The following PDIA5 variants were observed in gnomAD, a reference collection of about 807,000 sequenced individuals.
PDIA5 encodes protein disulfide isomerase family A member 5.
A neutral mutation model predicts 77.6 loss-of-function variants in PDIA5; 58 were observed. The observed-to-expected ratio is 0.75, with a 90% CI of 0.61 to 0.93. The LOEUF is 0.93. Among genes scored for constraint, PDIA5 ranks in the 40% least tolerant of loss-of-function variants. The pLI, the probability that PDIA5 is intolerant of heterozygous loss-of-function variation, is 0.00. For missense variants in PDIA5, 630 were observed against 647.7 expected, an observed-to-expected ratio of 0.97 and a Z score of 0.30; for synonymous variants, 250 against 252.1, an observed-to-expected ratio of 0.99 and a Z score of 0.08.
At chr3:123,069,660 C>T (rs1473275476) in intron 1 of PDIA5, among the ~76,000 whole-genome samples, 1 of 152,084 alleles carries the variant, frequency 6.6e-6, no homozygotes, top group African/African-American at 2.4e-5. Context: ...TCTTGGGTCC[C>T]TTTTTCAAGG....
chr3:123,155,148 G>A (rs1384106433), intron 15 of PDIA5, 107 bp downstream of exon 15: 2 of 783,666 alleles, frequency 2.6e-6, no homozygotes, highest in African/African-American at 3.4e-5. Flanking sequence ...GCTAAGACCT[G>A]TAAGCAGGAA....
At chr3:123,135,309 G>C (rs1935471964) in intron 11 of PDIA5, among the ~76,000 whole-genome samples, 1 of 152,156 alleles carries the variant, frequency 6.6e-6, no homozygotes, top group Admixed American at 6.5e-5. Context: ...ATCCCAGAGA[G>C]GGGTGTTCCT....
At chr3:123,139,582 C>T (rs1190601535) in intron 11 of PDIA5, among the ~76,000 whole-genome samples, 1 of 152,136 alleles carries the variant, frequency 6.6e-6, no homozygotes. Flanking sequence ...TTGGGAGACA[C>T]TTTTCTCCTA....
At chr3:123,097,894 T>C (rs959584781) in intron 3 of PDIA5, among the ~76,000 whole-genome samples, 1 of 152,096 alleles carries the variant, frequency 6.6e-6, no homozygotes, top group Non-Finnish European at 1.5e-5. Flanking sequence ...ACAAAGTTAA[T>C]GTTAAGGCAG....
chr3:123,131,112 C>T (rs1026711160), intron 11 of PDIA5, among the ~76,000 whole-genome samples: 1 of 152,152 alleles, frequency 6.6e-6, no homozygotes, highest in African/African-American at 2.4e-5. Flanking sequence ...TCTCTACAAA[C>T]AATTAAAAAT....
intron 11 of PDIA5, chr3:123,144,751 G>A (rs1401855866): frequency 6.6e-6 from 1 of 152,206 alleles, no homozygotes; most frequent in Non-Finnish European, 1.5e-5. Flanking sequence ...AGCCGGGCGT[G>A]GTGGCGGGTG....
chr3:123,103,388 A>AGAAT lies in PDIA5; in HGVS notation c.387+593_387+594insAATG, dbSNP rs1934650643. ...ACTGCAACTCTCCTCCTTCAGGGTCAGGATTCCCTTCCTCCAGCCTGTCTT... is the reference window on the plus strand; with the variant it reads ...ACTGCAACTCTCCTCCTTCAGGGTCAGAATGGATTCCCTTCCTCCAGCCTGTCTT... On this transcript the variant is annotated intron_variant, in intron 5 of 16. Transcript: ENST00000316218. Among the ~76,000 whole-genome samples, 9 of 152,348 alleles carry AGAAT rather than the reference A, an allele frequency of 5.9e-5. No individual in the cohort carries two copies. The South Asian group carries it at 6.2e-4, about 11-fold the overall frequency.
intron 3 of PDIA5, among the ~76,000 whole-genome samples, chr3:123,094,788 T>C (rs1471949553): frequency 6.6e-6 from 1 of 152,206 alleles, no homozygotes; most frequent in Non-Finnish European, 1.5e-5. Context: ...CTTGCCTCCC[T>C]CAAATGGGCC....
At chr3:123,127,167 C>T (rs192405685) in intron 10 of PDIA5, among the ~76,000 whole-genome samples, 1 of 152,318 alleles carries the variant, frequency 6.6e-6, no homozygotes, top group Admixed American at 6.5e-5. Context: ...ACATGCATCT[C>T]CCTTAGATGA....
chr3:123,104,640 G>A (rs1160440216), intron 5 of PDIA5, among the ~76,000 whole-genome samples: 2 of 152,252 alleles, frequency 1.3e-5, no homozygotes, highest in African/African-American at 4.8e-5. Flanking sequence ...TCGAAGTGGG[G>A]AATGTCCCCT....
intron 7 of PDIA5, 46 bp downstream of exon 7, chr3:123,111,050 T>A (rs1052442957): frequency 2.1e-5 from 32 of 1,500,720 alleles, no homozygotes; most frequent in Non-Finnish European, 3.0e-5. Flanking sequence ...GTTTAGTCTC[T>A]TTGTGGGTGG....
At chr3:123,111,144 C>T (rs530758656) in intron 7 of PDIA5, 140 bp downstream of exon 7, 86 of 679,580 alleles carry the variant, frequency 1.3e-4, no homozygotes, top group Non-Finnish European at 1.9e-4. Context: ...TCTCCATCTG[C>T]GCCTCTTTTC....
chr3:123,148,456 C>G (rs1234329494), intron 13 of PDIA5, among the ~76,000 whole-genome samples: 1 of 151,772 alleles, frequency 6.6e-6, no homozygotes, highest in East Asian at 1.9e-4. Context: ...ATAGTCCCAG[C>G]ACTTTGGGAA....
At chr3:123,078,553 ATACTCTTCCTC>A (rs1361115338) in intron 1 of PDIA5, among the ~76,000 whole-genome samples, 1 of 152,126 alleles carries the variant, frequency 6.6e-6, no homozygotes, top group Non-Finnish European at 1.5e-5. Flanking sequence ...TGTTTTTATC[ATACTCTTCCTC>A]TACATATATG....
intron 3 of PDIA5, among the ~76,000 whole-genome samples, chr3:123,096,828 C>T (rs1934455013): frequency 6.6e-6 from 1 of 152,198 alleles, no homozygotes; most frequent in African/African-American, 2.4e-5. Flanking sequence ...GTTGGTATTC[C>T]CCTCGTGCCC....
At chr3:123,161,784 A>C in intron 16 of PDIA5, 96 bp from the exon 17 acceptor site, 1 of 834,642 alleles carries the variant, frequency 1.2e-6, no homozygotes, top group East Asian at 2.5e-5. Context: ...CATAGGAGTG[A>C]CCCCCTGGAG....
intron 2 of PDIA5, among the ~76,000 whole-genome samples, chr3:123,091,911 G>T (rs1219606602): frequency 6.6e-6 from 1 of 152,238 alleles, no homozygotes; most frequent in African/African-American, 2.4e-5. Context: ...GCTCCTAGGT[G>T]GGGCATCAGG....
At chr3:123,156,910 C>T (rs1936033820) in intron 15 of PDIA5, among the ~76,000 whole-genome samples, 2 of 152,206 alleles carry the variant, frequency 1.3e-5, no homozygotes, top group African/African-American at 4.8e-5. Context: ...GCAGGTGAGG[C>T]CAGACTTGCC....
chr3:123,080,911 G>A (rs1933985111), intron 1 of PDIA5, among the ~76,000 whole-genome samples: 1 of 148,192 alleles, frequency 6.7e-6, no homozygotes, highest in Admixed American at 6.7e-5. Context: ...CTCTTTAGCA[G>A]GCCCTTCCTC....
Sources: gnomAD v4.1 joint callset for allele counts (sites outside exome capture counted in the v4.1 genomes callset) on GRCh38, gnomAD v4.1.1 for gene constraint, MANE v1.5 for transcripts, NCBI Gene and HGNC (gene_info 2026-07-23, HGNC 2026-07-21) for gene names.